Variants in CABP5 observed in about 807,000 individuals in gnomAD.
CABP5 encodes the protein calcium binding protein 5.
In CABP5, 17 loss-of-function variants were observed where a neutral mutation model predicts 21.9. The ratio of observed to expected loss-of-function variants is 0.78; its 90% CI spans 0.53 to 1.17. The LOEUF is 1.17. Ranked by LOEUF, CABP5 falls within the 50% of genes most tolerant of loss-of-function variation. The probability of loss-of-function intolerance (pLI) is 0.00; values close to 1 mark genes in which losing one functional copy is unlikely to be tolerated. For synonymous variants in CABP5, 85 were observed against 79.4 expected (o/e 1.07, Z -0.37); for missense variants, 229 against 228.9 (o/e 1.00, Z 0.00).
chr19:48,039,850 A>T (rs1967459085), intron 3 of CABP5, among the ~76,000 whole-genome samples: 1 of 150,546 alleles, frequency 6.6e-6, no homozygotes, highest in Non-Finnish European at 1.5e-5. Flanking sequence ...AGTAGCTGGG[A>T]TTACAGGTGC....
intron 1 of CABP5, 88 bp from the exon 2 acceptor site, chr19:48,041,691 C>T (rs74807006): frequency 0.12 from 151,396 of 1,225,814 alleles, 11,056 homozygotes; most frequent in Non-Finnish European, 0.14. Context: ...CTCCTCCCCA[C>T]GCTCTCGTGG....
chr19:48,030,702 C>T (rs1020674741), intron 5 of CABP5, 120 bp from the exon 6 acceptor site: 20 of 880,012 alleles, frequency 2.3e-5, no homozygotes, highest in Admixed American at 4.3e-5. Context: ...TTACTTAATC[C>T]CTCTATGCTT....
In CABP5 at chr19:48,029,830, GA is replaced by G; in HGVS notation, c.*726del. 6.6e-6 allele frequency: 1 copy of G among 151,012 alleles called. No homozygotes were observed. The highest frequency in any genetic ancestry group is 1.5e-5 in the Non-Finnish European group (1 of 67,898). The allele number at this position is 151,012 out of a possible 1,614,324, so 9.4% of individuals were successfully genotyped here. On this transcript the variant is annotated 3_prime_UTR_variant, in exon 6 of 6. Transcript: ENST00000293255. ...AGAGAGAGAGAGAGAGAGAGAGAGA[GA>G]GAGAGAAACCAGACAGTGCTTCCAG... is the stretch of plus-strand genomic sequence containing the variant.
chr19:48,037,035 G>A (rs192468838), intron 4 of CABP5, among the ~76,000 whole-genome samples: 3 of 152,044 alleles, frequency 2.0e-5, no homozygotes, highest in African/African-American at 7.2e-5. Flanking sequence ...TGGTATGGAG[G>A]TTCCTTAGAA....
At chr19:48,033,723 C>T (rs1967371397) in intron 5 of CABP5, among the ~76,000 whole-genome samples, 1 of 152,028 alleles carries the variant, frequency 6.6e-6, no homozygotes, top group Admixed American at 6.6e-5. Flanking sequence ...TAGTTTTCTC[C>T]AAAAGGTGTC....
Position 48,038,452 on chromosome 19 carries a change from A to G in CABP5, c.348+756T>C, listed in dbSNP as rs531880739. ...TGATATTTTTTAGTATGTCTGCAGC[A>G]AGTGGTTCGTACCAGATGACCACTT... On this transcript the variant is annotated intron_variant, in intron 4 of 5. Transcript: ENST00000293255. 3.8e-3 allele frequency among the ~76,000 whole-genome samples: 579 copies of G among 152,326 alleles called. 2 individuals carry two copies. The highest frequency in any genetic ancestry group is 4.9e-3 in the Non-Finnish European group (336 of 68,036).
At chr19:48,030,672 T>A in intron 5 of CABP5, 90 bp from the exon 6 acceptor site, 1 of 1,237,182 alleles carries the variant, frequency 8.1e-7, no homozygotes, top group African/African-American at 1.5e-5. Context: ...TGGCAGGCAC[T>A]GCTGGTGATC....
rs1397844497 is a variant in CABP5, at chr19:48,029,456, A to C, written c.*1101T>G. Reference sequence around the variant, plus strand: ...GAGTGTCTTGCTTTGGGCGGAGGTCAGGAGGAATCTCTCTTTTCTGTTTCA... The same window carrying C: ...GAGTGTCTTGCTTTGGGCGGAGGTCCGGAGGAATCTCTCTTTTCTGTTTCA... On this transcript the variant is annotated 3_prime_UTR_variant, in exon 6 of 6. Coordinates refer to ENST00000293255, the MANE Select transcript of CABP5 (RefSeq NM_019855.5). Among the ~76,000 whole-genome samples, 2 of 152,050 alleles carry C rather than the reference A, an allele frequency of 1.3e-5. No homozygotes were observed. Among genetic ancestry groups the C allele is most frequent in the African/African-American group, 4.8e-5 (2 of 41,394 alleles).
At chr19:48,031,392 T>C (rs921688540) in intron 5 of CABP5, among the ~76,000 whole-genome samples, 1 of 151,868 alleles carries the variant, frequency 6.6e-6, no homozygotes, top group Non-Finnish European at 1.5e-5. Context: ...ATACAAAAAT[T>C]AGCTAGGCGT....
At chr19:48,040,194 T>C (rs1436426667) in intron 3 of CABP5, among the ~76,000 whole-genome samples, 4 of 152,178 alleles carry the variant, frequency 2.6e-5, no homozygotes, top group Admixed American at 2.0e-4. Context: ...TTAGTGGTGA[T>C]AGTAATAACT....
intron 1 of CABP5, among the ~76,000 whole-genome samples, chr19:48,043,278 G>T (rs987389989): frequency 1.8e-4 from 27 of 146,082 alleles, no homozygotes; most frequent in Non-Finnish European, 7.5e-5. Context: ...AAGATGCTGC[G>T]ATTCAGGCAT....
In CABP5 at chr19:48,034,320, G is replaced by A; in HGVS notation, c.391C>T (p.Gln131Ter). ...CCCAGGAGTCTCTGCATGGCCTGCT[G>A]TAGCTCCACCAGGGTGATCTCCCCA... Reference protein sequence around the residue: ...GDGEITLVELQQAMQRLLGER... With the variant: ...GDGEITLVEL Residue 131 changes from glutamine to a stop codon, truncating the protein, a stop_gained, in exon 5 of 6, where the codon CAG (glutamine) becomes TAG (stop). Transcript: ENST00000293255. LOFTEE classifies it high-confidence loss of function. The A allele has an allele frequency of 1.2e-6, 2 of 1,606,412 alleles. No homozygotes were observed. Among genetic ancestry groups the A allele is most frequent in the Non-Finnish European group, 1.7e-6 (2 of 1,176,896 alleles).
At chr19:48,041,704 C>T in intron 1 of CABP5, 101 bp from the exon 2 acceptor site, 2 of 1,048,834 alleles carry the variant, frequency 1.9e-6, no homozygotes, top group East Asian at 2.7e-5. Context: ...TCTCGTGGTT[C>T]TCTTTCCATT....
Position 48,034,224 on chromosome 19 carries a change from C to G in CABP5, c.487G>C (p.Asp163His), listed in dbSNP as rs1252624515. The change falls in exon 5 of 6, where the codon GAC becomes CAC. Residue 163 changes from aspartate (D) to histidine (H), a missense_variant. Physicochemically the swap from Asp to His is moderately conservative, Grantham distance 81 (BLOSUM62 -1). Coordinates refer to ENST00000293255, the MANE Select transcript of CABP5 (RefSeq NM_019855.5). ...EADVNGDGTVDFEEFVKMMSR is the reference protein window; with the variant it reads ...EADVNGDGTVHFEEFVKMMSR ...GCCCCGTCAATGTCACCTTCAAAGT[C>G]AACTGTGCCGTCTCCATTAACATCA... 10 of 1,579,868 alleles carry G rather than the reference C, an allele frequency of 6.3e-6. No homozygotes were observed. The highest frequency in any genetic ancestry group is 6.9e-6 in the Non-Finnish European group (8 of 1,163,780).
At chr19:48,041,914 GA>G (rs1185310472) in intron 1 of CABP5, among the ~76,000 whole-genome samples, 1 of 152,056 alleles carries the variant, frequency 6.6e-6, no homozygotes, top group Non-Finnish European at 1.5e-5. Context: ...ATCTCCAGAT[GA>G]AAAAAGTGAG....
intron 1 of CABP5, 60 bp downstream of exon 1, chr19:48,043,800 T>C: frequency 2.9e-6 from 4 of 1,367,918 alleles, no homozygotes; most frequent in South Asian, 3.3e-5. Flanking sequence ...CCCTTCTTTG[T>C]CCCACACCCC....
chr19:48,041,285 A>G (rs1249131056), intron 2 of CABP5: 24 of 467,668 alleles, frequency 5.1e-5, no homozygotes, highest in Non-Finnish European at 3.0e-5. Flanking sequence ...GGCGTCCTTC[A>G]GATTCCTGGA....
At chr19:48,043,747 G>A in intron 1 of CABP5, 113 bp downstream of exon 1, 1 of 889,184 alleles carries the variant, frequency 1.1e-6, no homozygotes, top group Non-Finnish European at 1.6e-6. Context: ...CTCAGCTCCT[G>A]CTCTATCCAC....
At chr19:48,038,966 GT>G (rs1967445322) in intron 4 of CABP5, among the ~76,000 whole-genome samples, 1 of 150,272 alleles carries the variant, frequency 6.7e-6, no homozygotes, top group Non-Finnish European at 1.5e-5. Context: ...TTGTGTGCGT[GT>G]TTTTGTTTTT....
Sources: allele counts gnomAD v4.1 joint callset (sites outside exome capture counted in the v4.1 genomes callset), GRCh38; gene constraint gnomAD v4.1.1; transcripts MANE v1.5; gene names NCBI Gene and HGNC (gene_info 2026-07-23, HGNC 2026-07-21).